The following HS3ST3A1 variants were observed in gnomAD, a reference collection of about 807,000 sequenced individuals.
HS3ST3A1 encodes the protein heparan sulfate glucosamine 3-O-sulfotransferase 3A1.
HS3ST3A1 carries 19 observed loss-of-function variants against 25.7 expected under a neutral mutation model. The observed-to-expected ratio is 0.74, with a 90% CI of 0.52 to 1.08. HS3ST3A1 has a LOEUF of 1.08. Ranked by LOEUF, HS3ST3A1 falls within the 50% of genes least tolerant of loss-of-function variation. The pLI is 0.00. For missense variants in HS3ST3A1, 459 were observed against 594.3 expected (o/e 0.77, Z 2.37); for synonymous variants, 226 against 278.6 (o/e 0.81, Z 1.88).
At chr17:13,561,426 G>A (rs1004827935) in intron 1 of HS3ST3A1, among the ~76,000 whole-genome samples, 8 of 147,956 alleles carry the variant, frequency 5.4e-5, no homozygotes, top group African/African-American at 1.3e-4. Flanking sequence ...TTGCTCTGTC[G>A]CCCAGGCTAG....
chr17:13,588,850 A>AT (rs1249823319), intron 1 of HS3ST3A1, among the ~76,000 whole-genome samples: 2 of 152,006 alleles, frequency 1.3e-5, no homozygotes, highest in South Asian at 2.1e-4. Flanking sequence ...CGCCCAGCTA[A>AT]TTTTTTTGTA....
intron 1 of HS3ST3A1, among the ~76,000 whole-genome samples, chr17:13,520,472 G>A (rs952909634): frequency 3.9e-5 from 6 of 152,134 alleles, no homozygotes; most frequent in African/African-American, 1.4e-4. Flanking sequence ...TACATCAACC[G>A]AATAGGAACA....
At chr17:13,526,231 T>C (rs957704578) in intron 1 of HS3ST3A1, among the ~76,000 whole-genome samples, 4 of 151,956 alleles carry the variant, frequency 2.6e-5, no homozygotes, top group Non-Finnish European at 4.4e-5. Context: ...CAAGCTTTCC[T>C]TCAGAGGCTC....
chr17:13,562,992 G>C (rs1907586972), intron 1 of HS3ST3A1, among the ~76,000 whole-genome samples: 1 of 151,744 alleles, frequency 6.6e-6, no homozygotes, highest in Admixed American at 6.6e-5. Context: ...TTGGGGTAAA[G>C]AAATTGAGTC....
intron 1 of HS3ST3A1, among the ~76,000 whole-genome samples, chr17:13,583,149 C>T (rs1457297916): frequency 6.6e-6 from 1 of 152,170 alleles, no homozygotes; most frequent in African/African-American, 2.4e-5. Flanking sequence ...TTTTAGGACT[C>T]ACAGAAGTCT....
In HS3ST3A1 at chr17:13,601,008, CA is replaced by C; in HGVS notation, c.121del (p.Cys41AlafsTer120). The C allele has an allele frequency of 6.3e-7, 1 of 1,584,386 alleles. No homozygotes were observed. The highest frequency in any genetic ancestry group is 8.6e-7 in the Non-Finnish European group (1 of 1,165,590). ...CAGGGTCTGGCAGCGCTCGGCCAGG[CA>C]GTAGAAGACGTAAAGGGACGTGAGC... ...SLLTSLYVFY[C>X]LAERCQTLSG... On this transcript the variant is annotated frameshift_variant, in exon 1 of 2. Coordinates refer to ENST00000284110, the MANE Select transcript of HS3ST3A1 (RefSeq NM_006042.3). LOFTEE classifies it high-confidence loss of function.
intron 1 of HS3ST3A1, among the ~76,000 whole-genome samples, chr17:13,505,156 G>C (rs753620269): frequency 6.6e-6 from 1 of 152,168 alleles, no homozygotes; most frequent in African/African-American, 2.4e-5. Context: ...TGCCTAGTGC[G>C]AGAGTATTTC....
At chr17:13,573,086 T>C (rs3785692) in intron 1 of HS3ST3A1, among the ~76,000 whole-genome samples, 62,114 of 151,918 alleles carry the variant, frequency 0.41, 13,766 homozygotes, top group African/African-American at 0.58. Flanking sequence ...CTCACCCTGA[T>C]CTCCTAGTTG....
At chr17:13,592,850 C>T (rs1908465948) in intron 1 of HS3ST3A1, among the ~76,000 whole-genome samples, 5 of 152,122 alleles carry the variant, frequency 3.3e-5, no homozygotes, top group Admixed American at 2.0e-4. Context: ...AACGACAGCA[C>T]ACCACCTAGA....
At chr17:13,579,699 TC>T (rs1908050043) in intron 1 of HS3ST3A1, among the ~76,000 whole-genome samples, 1 of 38,164 alleles carries the variant, frequency 2.6e-5, no homozygotes, top group Non-Finnish European at 4.5e-5. Flanking sequence ...AGACTCCATC[TC>T]CAAAAAAAAA....
chr17:13,559,598 T>C (rs916700096), intron 1 of HS3ST3A1, among the ~76,000 whole-genome samples: 13 of 149,930 alleles, frequency 8.7e-5, no homozygotes, highest in Admixed American at 7.3e-4. Context: ...ATTATATGTT[T>C]AATTTATTAT....
chr17:13,507,926 C>T (rs560523513), intron 1 of HS3ST3A1, among the ~76,000 whole-genome samples: 109 of 152,346 alleles, frequency 7.2e-4, no homozygotes, highest in African/African-American at 2.5e-3. Flanking sequence ...AGCCCACTCA[C>T]ATCAATATTT....
chr17:13,517,141 T>C (rs1418010077), intron 1 of HS3ST3A1, among the ~76,000 whole-genome samples: 1 of 152,232 alleles, frequency 6.6e-6, no homozygotes, highest in Non-Finnish European at 1.5e-5. Context: ...TCATCCCTTT[T>C]CAATTAGGCA....
intron 1 of HS3ST3A1, among the ~76,000 whole-genome samples, chr17:13,528,171 T>C (rs1255669420): frequency 6.6e-6 from 1 of 152,194 alleles, no homozygotes; most frequent in Non-Finnish European, 1.5e-5. Context: ...ATTCCTAATG[T>C]AATGTGAAGG....
intron 1 of HS3ST3A1, among the ~76,000 whole-genome samples, chr17:13,567,639 C>A (rs1425112109): frequency 6.6e-6 from 1 of 152,108 alleles, no homozygotes; most frequent in African/African-American, 2.4e-5. Flanking sequence ...TGATTCCAAC[C>A]CTCATGGATG....
chr17:13,544,179 G>T (rs1907018462), intron 1 of HS3ST3A1, among the ~76,000 whole-genome samples: 1 of 151,872 alleles, frequency 6.6e-6, no homozygotes, highest in African/African-American at 2.4e-5. Context: ...TCTTACTTTG[G>T]GTTTGCTTTA....
chr17:13,598,848 G>A (rs1908649204), intron 1 of HS3ST3A1, among the ~76,000 whole-genome samples: 1 of 152,062 alleles, frequency 6.6e-6, no homozygotes, highest in African/African-American at 2.4e-5. Context: ...TGGAAATAAA[G>A]TTTATATGGC....
chr17:13,504,306 G>A (rs543667758), intron 1 of HS3ST3A1, among the ~76,000 whole-genome samples: 2 of 93,968 alleles, frequency 2.1e-5, no homozygotes, highest in African/African-American at 8.5e-5. Context: ...GACAGAGCGA[G>A]ACTCCATCTC....
intron 1 of HS3ST3A1, among the ~76,000 whole-genome samples, chr17:13,510,927 A>G (rs180724454): frequency 2.6e-4 from 40 of 152,344 alleles, no homozygotes; most frequent in Admixed American, 1.1e-3. Flanking sequence ...ACAAACTTCC[A>G]AAATAATCTC....
Sources: allele counts gnomAD v4.1 joint callset (sites outside exome capture counted in the v4.1 genomes callset), GRCh38; gene constraint gnomAD v4.1.1; transcripts MANE v1.5; gene names NCBI Gene and HGNC (gene_info 2026-07-23, HGNC 2026-07-21).